NBPF11: variants seen among roughly 807,000 people sequenced by gnomAD.
NBPF11 encodes NBPF family member NBPF11.
Under a neutral mutation model 93.9 loss-of-function variants are expected in NBPF11, and 72 were observed. The observed-to-expected ratio is 0.77, with a 90% CI of 0.63 to 0.93. The LOEUF is 0.93. Among genes scored for constraint, NBPF11 ranks in the 40% least tolerant of loss-of-function variants. NBPF11 has a pLI of 0.00. For synonymous variants in NBPF11, 224 were observed against 304.9 expected, an observed-to-expected ratio of 0.73 and a Z score of 2.76; for missense variants, 705 against 802.2, an observed-to-expected ratio of 0.88 and a Z score of 1.46.
At chr1:148,112,889 G>C (rs1665629242) in intron 15 of NBPF11, among the ~76,000 whole-genome samples, 1 of 151,228 alleles carries the variant, frequency 6.6e-6, no homozygotes, top group African/African-American at 2.5e-5. Flanking sequence ...AAGTGAAGGA[G>C]AAATAAATCC....
intron 3 of NBPF11, among the ~76,000 whole-genome samples, chr1:148,137,122 T>C (rs55655525): frequency 0.13 from 19,928 of 151,924 alleles, 1,534 homozygotes; most frequent in East Asian, 0.28. Flanking sequence ...TACATTGTTA[T>C]ATGCCAGTTA....
In NBPF11 at chr1:148,118,644, T is replaced by C. The variant is rs1440444403; in HGVS notation, c.1067A>G (p.Gln356Arg). Residue 356 changes from glutamine to arginine, a missense_variant, in exon 11 of 24, where the codon CAG (glutamine) becomes CGG (arginine). Gln to Arg is a conservative substitution (Grantham distance 43). Transcript: ENST00000682118. ...CCTGAGCTCCTCAGCTTGCTTCAGC[T>C]GCTCTGCAAGCTTCTCCTCCTTGAA... Reference protein sequence around the residue: ...RQFKEEKLAEQLKQAEELRQY... With the variant: ...RQFKEEKLAERLKQAEELRQY... 4.1e-5 allele frequency: 66 copies of C among 1,612,858 alleles called. No homozygotes were observed. Among genetic ancestry groups the C allele is most frequent in the Non-Finnish European group, 4.8e-5 (57 of 1,179,876 alleles).
chr1:148,136,696 G>A (rs1266353751), intron 3 of NBPF11, among the ~76,000 whole-genome samples: 1 of 151,844 alleles, frequency 6.6e-6, no homozygotes, highest in Non-Finnish European at 1.5e-5. Context: ...TCCCCTCCAT[G>A]TTCCCTCATT....
intron 1 of NBPF11, among the ~76,000 whole-genome samples, chr1:148,148,492 G>C (rs1199055184): frequency 6.6e-6 from 1 of 152,030 alleles, no homozygotes; most frequent in Non-Finnish European, 1.5e-5. Context: ...GGTGCCCCTG[G>C]GTGGGAGCTG....
intron 8 of NBPF11, 23 bp from the exon 9 acceptor site, chr1:148,122,289 G>A (rs1668050568): frequency 1.9e-6 from 3 of 1,609,704 alleles, no homozygotes; most frequent in Non-Finnish European, 2.5e-6. Context: ...GTGGGACAGA[G>A]ATGACAGAAG....
chr1:148,135,926 A>C, intron 3 of NBPF11, 113 bp from the exon 4 acceptor site: 1 of 743,560 alleles, frequency 1.3e-6, no homozygotes, highest in South Asian at 1.5e-5. Context: ...GGCCTGAGAG[A>C]AGCTCATACT....
rs1489300183 is a variant in NBPF11 at position 148,122,827 on chromosome 1, A to G, written c.494-26T>C. 1.5e-5 allele frequency: 24 copies of G among 1,609,438 alleles called. No homozygotes were observed. The East Asian group carries it at 3.8e-4, about 25-fold the overall frequency. On this transcript the variant is annotated intron_variant, in intron 7 of 23. Transcript: ENST00000682118. Reference sequence around the variant, plus strand: ...CTATAAATACAAAATGTTCGTTCAGATATTTCCCACTTCACATTCTGCAAG... The same window carrying G: ...CTATAAATACAAAATGTTCGTTCAGGTATTTCCCACTTCACATTCTGCAAG...
At chr1:148,106,300 C>G in intron 20 of NBPF11, 68 bp from the exon 21 acceptor site, 2 of 651,166 alleles carry the variant, frequency 3.1e-6, no homozygotes, top group East Asian at 2.7e-5. Flanking sequence ...AGTCCACTGT[C>G]TAATCCCCAC....
chr1:148,150,363 C>T (rs1190504204), intron 1 of NBPF11, among the ~76,000 whole-genome samples: 8 of 150,464 alleles, frequency 5.3e-5, no homozygotes, highest in East Asian at 1.9e-4. Context: ...CTTGGCCTCC[C>T]GAAATGCTGG....
Position 148,118,356 on chromosome 1 carries a change from T to G in NBPF11, c.1091+264A>C, listed in dbSNP as rs1169002270. Among the ~76,000 whole-genome samples the G allele has an allele frequency of 2.0e-5, 3 of 151,836 alleles. No individual in the cohort carries two copies. The East Asian group carries it at 5.8e-4, about 29-fold the overall frequency. ...ATGCTGCTGTGTGGTTCACACTCCT[T>G]TGGTTAATTTTGTGTTATGTAAATT... On this transcript the variant is annotated intron_variant, in intron 11 of 23. Transcript: ENST00000682118.
intron 1 of NBPF11, chr1:148,146,327 G>C (rs1364032737): frequency 7.2e-7 from 1 of 1,391,428 alleles, no homozygotes; most frequent in East Asian, 3.0e-5. Context: ...CCCCTCCCCT[G>C]CCGGGCCAGG....
At chr1:148,125,300 G>A in intron 5 of NBPF11, among the ~76,000 whole-genome samples, 1 of 151,836 alleles carries the variant, frequency 6.6e-6, no homozygotes, top group Non-Finnish European at 1.5e-5. Flanking sequence ...CTGAATGCGG[G>A]GCCACTTTCC....
chr1:148,144,433 T>C (rs1474981200), intron 1 of NBPF11, among the ~76,000 whole-genome samples: 1 of 151,684 alleles, frequency 6.6e-6, no homozygotes, highest in African/African-American at 2.4e-5. Flanking sequence ...ATGGTATTAG[T>C]ATGTTCATTC....
intron 4 of NBPF11, among the ~76,000 whole-genome samples, chr1:148,132,413 G>A (rs1306735953): frequency 6.7e-6 from 1 of 148,756 alleles, no homozygotes; most frequent in African/African-American, 2.5e-5. Context: ...AGTAATTCTG[G>A]AAATAGGTAG....
Position 148,106,478 on chromosome 1 carries a change from C to A in NBPF11, c.2252-246G>T, listed in dbSNP as rs1663645639. ...CAAAATCATTTATCCCAAGTTTGTG[C>A]AAACAGTTATGCCTTATTGTTCCCA... On this transcript the variant is annotated intron_variant, in intron 20 of 23. Coordinates refer to ENST00000682118, the MANE Select transcript of NBPF11 (RefSeq NM_001385469.3). Among the ~76,000 whole-genome samples the A allele has an allele frequency of 3.5e-5, 5 of 142,050 alleles. 1 individual carries two copies. In the South Asian group the frequency reaches 1.1e-3, roughly 32 times the overall value. The allele number at this position is 142,050 out of a possible 152,430, so 93.2% of individuals were successfully genotyped here. A position where few individuals can be genotyped will look rare whatever the true frequency, so the allele number is the denominator to read the frequency against.
At chr1:148,135,886 C>T in intron 3 of NBPF11, 73 bp from the exon 4 acceptor site, 3 of 939,492 alleles carry the variant, frequency 3.2e-6, no homozygotes, top group Non-Finnish European at 4.9e-6. Flanking sequence ...ACTTTCTTAC[C>T]ATGACCCTGT....
At chr1:148,119,705 G>C (rs1316635287) in intron 10 of NBPF11, among the ~76,000 whole-genome samples, 11 of 151,836 alleles carry the variant, frequency 7.2e-5, no homozygotes, top group Admixed American at 4.6e-4. Context: ...ACCCAGGCTG[G>C]AGTGCAACGG....
intron 1 of NBPF11, among the ~76,000 whole-genome samples, chr1:148,148,685 C>T (rs1489409146): frequency 1.5e-4 from 23 of 152,128 alleles, no homozygotes; most frequent in Non-Finnish European, 3.1e-4. Context: ...GCCTGAATTC[C>T]TCATGGCCAA....
At chr1:148,147,224 C>A (rs1383630353) in intron 1 of NBPF11, among the ~76,000 whole-genome samples, 5 of 152,152 alleles carry the variant, frequency 3.3e-5, no homozygotes, top group African/African-American at 1.2e-4. Context: ...TGCCACCTGG[C>A]GGGAGGGAGT....
Sources: allele counts gnomAD v4.1 joint callset (sites outside exome capture counted in the v4.1 genomes callset), GRCh38; gene constraint gnomAD v4.1.1; transcripts MANE v1.5; gene names NCBI Gene and HGNC (gene_info 2026-07-23, HGNC 2026-07-21).